Variants in PCDHA10 observed in about 807,000 individuals in gnomAD.
The protein encoded by PCDHA10 is protocadherin alpha-10.
PCDHA10 carries 45 observed loss-of-function variants against 61.2 expected under a neutral mutation model. The ratio of observed to expected loss-of-function variants is 0.74; its 90% CI spans 0.58 to 0.94. PCDHA10 has a LOEUF of 0.94. Among genes scored for constraint, PCDHA10 ranks in the 40% least tolerant of loss-of-function variants. The probability of loss-of-function intolerance (pLI) is 0.00; values close to 1 mark genes in which losing one functional copy is unlikely to be tolerated. For missense variants in PCDHA10, 1,278 were observed against 1,236.2 expected, an observed-to-expected ratio of 1.03 and a Z score of -0.51; for synonymous variants, 602 against 548.8, an observed-to-expected ratio of 1.10 and a Z score of -1.35.
intron 3 of PCDHA10, among the ~76,000 whole-genome samples, chr5:140,988,221 T>A (rs1554249982): frequency 6.6e-6 from 1 of 152,016 alleles, no homozygotes; most frequent in Non-Finnish European, 1.5e-5. Context: ...AAAAATGAGA[T>A]CAGGGATCTA....
intron 1 of PCDHA10, among the ~76,000 whole-genome samples, chr5:140,972,288 C>T (rs1263314074): frequency 2.0e-5 from 3 of 150,942 alleles, no homozygotes; most frequent in African/African-American, 4.9e-5. Context: ...CATAGATGTG[C>T]GCCACCGTGT....
At chr5:140,936,212 A>C (rs1294255399) in intron 1 of PCDHA10, among the ~76,000 whole-genome samples, 1 of 152,126 alleles carries the variant, frequency 6.6e-6, no homozygotes, top group African/African-American at 2.4e-5. Context: ...TTTTTTATTT[A>C]GTATTCTTTC....
At chr5:140,897,566 A>C (rs1461105293) in intron 1 of PCDHA10, among the ~76,000 whole-genome samples, 1 of 151,760 alleles carries the variant, frequency 6.6e-6, no homozygotes, top group Non-Finnish European at 1.5e-5. Flanking sequence ...TATGTGCCAC[A>C]TTTTCTTAAT....
chr5:140,875,984 C>T (rs2056022183), intron 1 of PCDHA10: 1 of 1,613,870 alleles, frequency 6.2e-7, no homozygotes, highest in East Asian at 2.2e-5. Flanking sequence ...TTGACCTATG[C>T]GTTAAGTCTA....
At position 140,927,570 on chromosome 5, in the gene PCDHA10, A is replaced by G. The variant is rs568227710; in HGVS notation, c.2389-51379A>G. 5.0e-5 allele frequency: 80 copies of G among 1,614,066 alleles called. 1 individual carries two copies. Among genetic ancestry groups the G allele is most frequent in the Middle Eastern group, 4.9e-4 (3 of 6,084 alleles). On this transcript the variant is annotated intron_variant, in intron 1 of 3. Transcript: ENST00000307360. ...AAGTCACCATCATTGTGGTGGACAC[A>G]AATGACAACGCGCCTGTATTTGAGC...
intron 1 of PCDHA10, among the ~76,000 whole-genome samples, chr5:140,921,749 A>G (rs1366376226): frequency 6.6e-6 from 1 of 152,196 alleles, no homozygotes; most frequent in Non-Finnish European, 1.5e-5. Context: ...GCATAACAGG[A>G]CACTTCTTGG....
intron 1 of PCDHA10, among the ~76,000 whole-genome samples, chr5:140,913,140 G>T (rs1562991745): frequency 6.6e-6 from 1 of 152,068 alleles, no homozygotes; most frequent in African/African-American, 2.4e-5. Context: ...CTACTTTTTG[G>T]AATAGTTTGA....
At position 140,870,413 on chromosome 5, in the gene PCDHA10, C is replaced by G. The variant is rs200037363; in HGVS notation, c.2388+11977C>G. ...GGGGGTTCGCCTTCTCTGTGGGCCA[C>G]GGCCAGGGTATCCGTGGAGGTGGCC... On this transcript the variant is annotated intron_variant, in intron 1 of 3. Transcript: ENST00000307360. The G allele has an allele frequency of 7.6e-5, 123 of 1,614,124 alleles. No individual in the cohort carries two copies. In the African/African-American group the frequency reaches 1.6e-3, roughly 21 times the overall value.
At chr5:140,990,471 A>G (rs892013539) in intron 3 of PCDHA10, among the ~76,000 whole-genome samples, 4 of 152,204 alleles carry the variant, frequency 2.6e-5, no homozygotes, top group Admixed American at 1.3e-4. Context: ...GGTATCATGT[A>G]TCAAGCTGAA....
At chr5:140,938,796 C>T (rs563991147) in intron 1 of PCDHA10, among the ~76,000 whole-genome samples, 4 of 152,138 alleles carry the variant, frequency 2.6e-5, no homozygotes, top group East Asian at 3.9e-4. Context: ...ATGAAATAAT[C>T]GGTACCACAA....
At chr5:140,990,107 A>C (rs1359747896) in intron 3 of PCDHA10, among the ~76,000 whole-genome samples, 1 of 152,044 alleles carries the variant, frequency 6.6e-6, no homozygotes, top group East Asian at 1.9e-4. Context: ...TGAAACAGGA[A>C]ATTGAGAGCT....
chr5:140,966,068 T>G (rs188069959), intron 1 of PCDHA10: 1 of 153,298 alleles, frequency 6.5e-6, no homozygotes. Context: ...CGCCTCCCCC[T>G]GCGTTGTTTC....
chr5:140,960,438 T>C (rs1403944664), intron 1 of PCDHA10, among the ~76,000 whole-genome samples: 4 of 152,180 alleles, frequency 2.6e-5, no homozygotes, highest in African/African-American at 9.7e-5. Context: ...ATACTCTAGA[T>C]ATATGTATGG....
intron 1 of PCDHA10, among the ~76,000 whole-genome samples, chr5:140,959,860 A>G (rs1554224378): frequency 6.6e-6 from 1 of 152,230 alleles, no homozygotes; most frequent in East Asian, 1.9e-4. Context: ...GGAATTATGT[A>G]GCAAAATCTG....
At chr5:140,915,622 T>TTCTC (rs1418940406) in intron 1 of PCDHA10, among the ~76,000 whole-genome samples, 2 of 128,520 alleles carry the variant, frequency 1.6e-5, no homozygotes, top group South Asian at 2.5e-4. Flanking sequence ...AACAGTCTCT[T>TTCTC]TCTGTCTCTC....
chr5:140,926,679 C>T (rs1348629347), intron 1 of PCDHA10: 26 of 638,064 alleles, frequency 4.1e-5, no homozygotes, highest in Middle Eastern at 4.4e-4. Context: ...GCCCAGCCTC[C>T]AGCCTAGCAA....
At chr5:140,955,990 T>C (rs246015) in intron 1 of PCDHA10, among the ~76,000 whole-genome samples, 48,106 of 152,064 alleles carry the variant, frequency 0.32, 7,958 homozygotes, top group East Asian at 0.53. Context: ...TTTTTGCACA[T>C]TGATTTTGTA....
intron 1 of PCDHA10, chr5:140,969,451 T>C (rs1016577934): frequency 3.3e-6 from 5 of 1,511,952 alleles, no homozygotes; most frequent in Non-Finnish European, 3.6e-6. Context: ...GTAAACTGAG[T>C]ATATATAGTA....
Position 140,866,315 on chromosome 5 carries a change from A to C in PCDHA10, c.2388+7879A>C, listed in dbSNP as rs529442584. On this transcript the variant is annotated intron_variant, in intron 1 of 3. Transcript: ENST00000307360. ...GTATAGATGTTGATATTATTATTTC[A>C]GGGACCCTGAACTTGGCCAAAGGAT... The C allele has an allele frequency of 2.6e-5, 4 of 152,278 alleles. No individual in the cohort carries two copies. The East Asian group carries it at 7.7e-4, about 29-fold the overall frequency. 9.4% of individuals were successfully genotyped at this position (152,278 alleles called of 1,614,324 possible).
Sources: allele counts gnomAD v4.1 joint callset (sites outside exome capture counted in the v4.1 genomes callset), GRCh38; gene constraint gnomAD v4.1.1; transcripts MANE v1.5; gene names NCBI Gene and HGNC (gene_info 2026-07-23, HGNC 2026-07-21).